The following LRRTM4 variants were observed in gnomAD, a reference collection of about 807,000 sequenced individuals.
The protein encoded by LRRTM4 is leucine-rich repeat transmembrane neuronal protein 4.
LRRTM4 carries 25 observed loss-of-function variants against 47.6 expected under a neutral mutation model. That is an observed-to-expected ratio of 0.53 (90% CI 0.38 to 0.73). The LOEUF (loss-of-function observed/expected upper bound fraction) is 0.73. Among genes scored for constraint, LRRTM4 ranks in the 30% least tolerant of loss-of-function variants. LRRTM4 has a pLI of 0.00. For synonymous variants in LRRTM4, 311 were observed against 269.5 expected (o/e 1.15, Z -1.51); for missense variants, 638 against 713.4 (o/e 0.89, Z 1.20).
At chr2:77,150,240 C>T (rs1022932947) in intron 3 of LRRTM4, among the ~76,000 whole-genome samples, 3 of 152,006 alleles carry the variant, frequency 2.0e-5, no homozygotes, top group African/African-American at 7.2e-5. Flanking sequence ...ATAGAATTTG[C>T]TTTTCACTTT....
chr2:76,992,420 C>G (rs1030281323), intron 3 of LRRTM4, among the ~76,000 whole-genome samples: 1 of 151,608 alleles, frequency 6.6e-6, no homozygotes. Context: ...AATTGATAAA[C>G]CATTTTATTA....
chr2:76,821,113 G>C (rs1671041672), intron 3 of LRRTM4, among the ~76,000 whole-genome samples: 1 of 151,630 alleles, frequency 6.6e-6, no homozygotes, highest in African/African-American at 2.4e-5. Flanking sequence ...AAGAGGGAGA[G>C]TGCTTTTGAG....
At chr2:76,837,111 G>A (rs1334490871) in intron 3 of LRRTM4, among the ~76,000 whole-genome samples, 1 of 152,072 alleles carries the variant, frequency 6.6e-6, no homozygotes, top group African/African-American at 2.4e-5. Context: ...TTTAGTCTTG[G>A]GAGACTGTAT....
At chr2:77,313,960 C>T (rs1462174834) in intron 3 of LRRTM4, among the ~76,000 whole-genome samples, 2 of 152,120 alleles carry the variant, frequency 1.3e-5, no homozygotes, top group African/African-American at 2.4e-5. Flanking sequence ...AATGAAGACA[C>T]GTTGCAATGG....
In LRRTM4 at chr2:76,836,675, G is replaced by T. The variant is rs72819231; in HGVS notation, c.1552-87759C>A. 8.8e-3 allele frequency among the ~76,000 whole-genome samples: 1,339 copies of T among 152,062 alleles called. 10 individuals carry two copies. The highest frequency in any genetic ancestry group is 0.027 in the Middle Eastern group (8 of 294). On this transcript the variant is annotated intron_variant, in intron 3 of 3. Coordinates refer to ENST00000409884, the MANE Select transcript of LRRTM4 (RefSeq NM_001134745.3). ...ATAATAAGATCTATGAGGGAATAAA[G>T]GTTCAGAGATGTTAATTATTTTCTC...
intron 3 of LRRTM4, among the ~76,000 whole-genome samples, chr2:77,261,655 T>C (rs965629923): frequency 1.3e-5 from 2 of 152,090 alleles, no homozygotes; most frequent in African/African-American, 4.8e-5. Flanking sequence ...ACAGGATGCC[T>C]AACAGCATTA....
intron 3 of LRRTM4, among the ~76,000 whole-genome samples, chr2:77,349,942 C>A (rs911052852): frequency 6.6e-6 from 1 of 152,226 alleles, no homozygotes; most frequent in Non-Finnish European, 1.5e-5. Context: ...AGTTAGTTCC[C>A]TGGCACTAGG....
intron 3 of LRRTM4, among the ~76,000 whole-genome samples, chr2:77,140,302 G>T (rs534531868): frequency 1.3e-5 from 2 of 152,140 alleles, no homozygotes; most frequent in African/African-American, 4.8e-5. Context: ...ACAGAACAGA[G>T]CCTTCAGAAA....
At chr2:77,029,360 C>A (rs1678571987) in intron 3 of LRRTM4, among the ~76,000 whole-genome samples, 1 of 152,034 alleles carries the variant, frequency 6.6e-6, no homozygotes, top group Admixed American at 6.6e-5. Context: ...GGGAAGCAGA[C>A]AGTGCAGCCT....
intron 3 of LRRTM4, among the ~76,000 whole-genome samples, chr2:76,916,760 T>C (rs1273389641): frequency 6.6e-6 from 1 of 152,194 alleles, no homozygotes; most frequent in Non-Finnish European, 1.5e-5. Context: ...AAAACTCCGA[T>C]GTGCAAAAAT....
intron 3 of LRRTM4, among the ~76,000 whole-genome samples, chr2:77,149,242 A>T (rs368590609): frequency 4.9e-4 from 74 of 152,296 alleles, no homozygotes; most frequent in African/African-American, 1.7e-3. Context: ...GACCTTTTTT[A>T]CCAATTGCAT....
Position 77,279,735 on chromosome 2 carries a change from A to T in LRRTM4, c.1551+238583T>A, listed in dbSNP as rs78512912. Among the ~76,000 whole-genome samples the T allele has an allele frequency of 3.8e-4, 58 of 152,092 alleles. 1 individual carries two copies. In the East Asian group the frequency reaches 0.011, roughly 28 times the overall value. ...AAAACCCCCATATGTCTGTCACTCAACTTCAACAATTTCGACTTACAGAGT... is the reference window on the plus strand; with the variant it reads ...AAAACCCCCATATGTCTGTCACTCATCTTCAACAATTTCGACTTACAGAGT... On this transcript the variant is annotated intron_variant, in intron 3 of 3. Transcript: ENST00000409884.
At chr2:76,993,916 T>C (rs945701354) in intron 3 of LRRTM4, among the ~76,000 whole-genome samples, 8 of 152,008 alleles carry the variant, frequency 5.3e-5, no homozygotes, top group African/African-American at 1.9e-4. Flanking sequence ...CATGGAATAC[T>C]ATGCAGACAT....
intron 3 of LRRTM4, among the ~76,000 whole-genome samples, chr2:77,353,363 T>C (rs1206142170): frequency 6.6e-6 from 1 of 152,234 alleles, no homozygotes; most frequent in African/African-American, 2.4e-5. Flanking sequence ...GCTACAAAGA[T>C]ATACCTTTGT....
At chr2:76,904,089 G>A (rs917456702) in intron 3 of LRRTM4, among the ~76,000 whole-genome samples, 2 of 152,162 alleles carry the variant, frequency 1.3e-5, no homozygotes, top group African/African-American at 4.8e-5. Flanking sequence ...CACCTACTCA[G>A]AACAACTGAA....
chr2:77,333,101 C>T (rs1485834271), intron 3 of LRRTM4, among the ~76,000 whole-genome samples: 4 of 152,192 alleles, frequency 2.6e-5, no homozygotes, highest in Admixed American at 2.6e-4. Flanking sequence ...ACTTGCTCTT[C>T]TTTGCCTTTC....
intron 3 of LRRTM4, among the ~76,000 whole-genome samples, chr2:77,226,658 A>G (rs554730479): frequency 6.6e-6 from 1 of 151,948 alleles, no homozygotes; most frequent in African/African-American, 2.4e-5. Flanking sequence ...AATAAGTAAA[A>G]TGTATTTGTT....
chr2:76,850,734 T>G (rs532892982), intron 3 of LRRTM4, among the ~76,000 whole-genome samples: 1 of 152,200 alleles, frequency 6.6e-6, no homozygotes, highest in Non-Finnish European at 1.5e-5. Flanking sequence ...TTCACACATG[T>G]GCTTCATAGC....
intron 3 of LRRTM4, among the ~76,000 whole-genome samples, chr2:76,818,771 CTAA>C (rs1223491449): frequency 3.3e-5 from 5 of 151,588 alleles, no homozygotes; most frequent in Admixed American, 2.0e-4. Context: ...ATGTTTCCTA[CTAA>C]TATTATTCAA....
Sources: allele counts gnomAD v4.1 joint callset (sites outside exome capture counted in the v4.1 genomes callset), GRCh38; gene constraint gnomAD v4.1.1; transcripts MANE v1.5; gene names NCBI Gene and HGNC (gene_info 2026-07-23, HGNC 2026-07-21).